The following ANKS1B variants were observed in gnomAD, a reference collection of about 807,000 sequenced individuals.
ANKS1B encodes the protein ankyrin repeat and sterile alpha motif domain containing 1B, also known as ankyrin repeat and sterile alpha motif domain-containing protein 1B.
ANKS1B carries 36 observed loss-of-function variants against 148.3 expected under a neutral mutation model. The observed-to-expected ratio is 0.24, with a 90% CI of 0.19 to 0.32. The LOEUF is 0.32. Among genes scored for constraint, ANKS1B ranks in the 10% least tolerant of loss-of-function variants. The pLI, the probability that ANKS1B is intolerant of heterozygous loss-of-function variation, is 1.00. For missense variants in ANKS1B, 1,157 were observed against 1,542.6 expected (o/e 0.75, Z 4.19); for synonymous variants, 542 against 560.8 (o/e 0.97, Z 0.47).
At chr12:99,760,302 A>C (rs188673484) in intron 8 of ANKS1B, among the ~76,000 whole-genome samples, 6 of 152,030 alleles carry the variant, frequency 3.9e-5, no homozygotes. Flanking sequence ...AGCGAGTCTC[A>C]ATAAATTCAA....
At chr12:99,503,358 A>T (rs12581042) in intron 10 of ANKS1B, among the ~76,000 whole-genome samples, 3,856 of 152,294 alleles carry the variant, frequency 0.025, 79 homozygotes, top group South Asian at 0.087. Flanking sequence ...TTTGAAAATA[A>T]ATATTTCAGA....
At chr12:99,342,956 A>C (rs928265437) in intron 12 of ANKS1B, among the ~76,000 whole-genome samples, 2 of 151,936 alleles carry the variant, frequency 1.3e-5, no homozygotes, top group African/African-American at 4.8e-5. Context: ...CAAGAATACT[A>C]TAATTTATTT....
intron 15 of ANKS1B, among the ~76,000 whole-genome samples, chr12:99,143,042 T>C (rs1174804151): frequency 6.6e-6 from 1 of 152,156 alleles, no homozygotes; most frequent in Non-Finnish European, 1.5e-5. Flanking sequence ...TTGAGATACA[T>C]TTGTTTCTAG....
At chr12:99,622,854 C>T (rs1319870658) in intron 9 of ANKS1B, among the ~76,000 whole-genome samples, 1 of 152,038 alleles carries the variant, frequency 6.6e-6, no homozygotes, top group East Asian at 1.9e-4. Context: ...TGAAACTATT[C>T]CAAAAACTCA....
intron 8 of ANKS1B, among the ~76,000 whole-genome samples, chr12:99,717,951 T>C (rs1172275151): frequency 7.1e-6 from 1 of 141,722 alleles, no homozygotes; most frequent in African/African-American, 2.6e-5. Flanking sequence ...TCGCCCAGGC[T>C]GGAGTGCAGT....
At chr12:99,944,733 G>A (rs917720950) in intron 1 of ANKS1B, among the ~76,000 whole-genome samples, 2 of 152,112 alleles carry the variant, frequency 1.3e-5, no homozygotes, top group African/African-American at 4.8e-5. Flanking sequence ...AATCTGAAAA[G>A]TATTGTAGTC....
At chr12:99,220,432 C>A (rs1477994948) in intron 14 of ANKS1B, among the ~76,000 whole-genome samples, 1 of 145,600 alleles carries the variant, frequency 6.9e-6, no homozygotes, top group African/African-American at 2.5e-5. Flanking sequence ...ATCAAGCATA[C>A]AATAAAAGTA....
chr12:99,104,896 C>A (rs2058795954), intron 15 of ANKS1B: 1 of 152,216 alleles, frequency 6.6e-6, no homozygotes, highest in East Asian at 1.9e-4. Context: ...TGTTTCTCTG[C>A]CAGCTCTATA....
intron 2 of ANKS1B, among the ~76,000 whole-genome samples, chr12:99,820,270 C>A (rs2082348522): frequency 6.6e-6 from 1 of 151,994 alleles, no homozygotes; most frequent in Admixed American, 6.6e-5. Flanking sequence ...GTACAAAATG[C>A]TGCTTCATTT....
At chr12:98,948,285 AT>A (rs1209484386) in intron 17 of ANKS1B, among the ~76,000 whole-genome samples, 3 of 152,154 alleles carry the variant, frequency 2.0e-5, no homozygotes, top group African/African-American at 7.2e-5. Flanking sequence ...GCTATTTTCT[AT>A]GATTATAACC....
rs759625732 is a variant in ANKS1B, at chr12:99,059,788, C to CATATATATAT, written c.2626-6489_2626-6480dup. Among the ~76,000 whole-genome samples the CATATATATAT allele has an allele frequency of 1.7e-3, 151 of 90,310 alleles. 11 individuals are homozygous for CATATATATAT. The highest frequency in any genetic ancestry group is 4.9e-3 in the Middle Eastern group (1 of 204). 59.2% of individuals were successfully genotyped at this position (90,310 alleles called of 152,430 possible). ...TAAGCCCAAAGACAAAACTAAAATT[C>CATATATATAT]ATATATATATATATATATGATAGGA... On this transcript the variant is annotated intron_variant, in intron 16 of 26. Coordinates refer to ENST00000683438, the MANE Select transcript of ANKS1B (RefSeq NM_001352186.2).
At chr12:99,735,151 C>T (rs2059499901) in intron 8 of ANKS1B, among the ~76,000 whole-genome samples, 2 of 152,094 alleles carry the variant, frequency 1.3e-5, no homozygotes, top group South Asian at 4.1e-4. Flanking sequence ...CAATAAACAC[C>T]TACATCAAGA....
At chr12:99,789,446 G>A (rs116122501) in intron 4 of ANKS1B, among the ~76,000 whole-genome samples, 4,002 of 152,030 alleles carry the variant, frequency 0.026, 180 homozygotes, top group African/African-American at 0.091. Context: ...TGACCTCACC[G>A]AATGAATTAC....
intron 12 of ANKS1B, among the ~76,000 whole-genome samples, chr12:99,288,120 A>G (rs577863888): frequency 1.2e-4 from 18 of 152,284 alleles, no homozygotes; most frequent in Middle Eastern, 3.4e-3. Context: ...TCTTTTAATA[A>G]TCAAACTCCC....
chr12:99,328,265 A>T (rs748911247), intron 12 of ANKS1B, among the ~76,000 whole-genome samples: 5 of 151,994 alleles, frequency 3.3e-5, no homozygotes, highest in Non-Finnish European at 7.4e-5. Flanking sequence ...CAGGAGATGA[A>T]CTTGACAGTC....
intron 1 of ANKS1B, among the ~76,000 whole-genome samples, chr12:99,908,802 C>G (rs142111798): frequency 1.1e-4 from 16 of 152,246 alleles, no homozygotes; most frequent in Middle Eastern, 3.4e-3. Context: ...AAATCATTAT[C>G]ACAGTCAAAC....
chr12:99,825,126 C>T (rs767038949), intron 2 of ANKS1B, among the ~76,000 whole-genome samples, 183 bp downstream of exon 2: 9 of 152,160 alleles, frequency 5.9e-5, no homozygotes, highest in Admixed American at 3.3e-4. Flanking sequence ...ACACTCTGCA[C>T]GCAATTATAC....
At chr12:99,637,015 GA>G in intron 9 of ANKS1B, among the ~76,000 whole-genome samples, 1 of 152,254 alleles carries the variant, frequency 6.6e-6, no homozygotes, top group East Asian at 1.9e-4. Flanking sequence ...AGTCAACAGT[GA>G]TGATGATGGC....
chr12:99,678,298 T>C (rs1483515530), intron 8 of ANKS1B, among the ~76,000 whole-genome samples: 1 of 152,200 alleles, frequency 6.6e-6, no homozygotes, highest in Non-Finnish European at 1.5e-5. Flanking sequence ...GTATTCTCTA[T>C]TCCTTCTCCT....
Sources: allele counts gnomAD v4.1 joint callset (sites outside exome capture counted in the v4.1 genomes callset), GRCh38; gene constraint gnomAD v4.1.1; transcripts MANE v1.5; gene names NCBI Gene and HGNC (gene_info 2026-07-23, HGNC 2026-07-21).